Variants in PON1 observed in about 807,000 individuals in gnomAD.
PON1 encodes the protein serum paraoxonase/arylesterase 1.
A neutral mutation model predicts 39.2 loss-of-function variants in PON1; 37 were observed. That is an observed-to-expected ratio of 0.94 (90% CI 0.73 to 1.24). The LOEUF is 1.24. Ranked by LOEUF, PON1 falls within the 50% of genes most tolerant of loss-of-function variation. The pLI is 0.00. For missense variants in PON1, 397 were observed against 413.5 expected (o/e 0.96, Z 0.35); for synonymous variants, 148 against 152.2 (o/e 0.97, Z 0.21).
intron 3 of PON1, 62 bp from the exon 4 acceptor site, chr7:95,315,552 C>G: frequency 6.5e-7 from 1 of 1,529,304 alleles, no homozygotes; most frequent in Non-Finnish European, 9.0e-7. Flanking sequence ...CTAATAGAGG[C>G]GCTGCATGGC....
intron 4 of PON1, among the ~76,000 whole-genome samples, chr7:95,314,724 T>C (rs893941301): frequency 3.9e-5 from 6 of 152,106 alleles, no homozygotes; most frequent in African/African-American, 1.4e-4. Flanking sequence ...GGTGCTACCA[T>C]TGTGCAACTG....
chr7:95,324,222 TTTG>T (rs1807962601), intron 1 of PON1, among the ~76,000 whole-genome samples, 177 bp downstream of exon 1: 1 of 152,082 alleles, frequency 6.6e-6, no homozygotes, highest in Admixed American at 6.5e-5. Flanking sequence ...TGAGCAAGAG[TTTG>T]TTTTCAAGTG....
Position 95,315,344 on chromosome 7 carries a change from C to T in PON1, c.348G>A (p.Gly116=), listed in dbSNP as rs755243101. The change falls in exon 4 of 9, where the codon GGG becomes GGA. Residue 116 remains glycine (G), a synonymous_variant. Coordinates refer to ENST00000222381, the MANE Select transcript of PON1 (RefSeq NM_000446.7). ...KFDVSSFNPH[G]ISTFTDEDNA... ...TACCTTCATCTGTGAATGTGCTAAT[C>T]CCATGAGGGTTAAATGAAGATACAT... 16 of 1,613,318 alleles carry T rather than the reference C, an allele frequency of 9.9e-6. No individual in the cohort carries two copies. In the Admixed American group the frequency reaches 2.7e-4, roughly 27 times the overall value.
chr7:95,301,333 G>A (rs1049601292), intron 8 of PON1, among the ~76,000 whole-genome samples: 3 of 152,192 alleles, frequency 2.0e-5, no homozygotes, highest in African/African-American at 7.2e-5. Context: ...GCCACCTGCA[G>A]GAAGATCTAG....
chr7:95,308,347 A>G (rs1445143670), intron 5 of PON1, 136 bp from the exon 6 acceptor site: 1 of 790,852 alleles, frequency 1.3e-6, no homozygotes, highest in Non-Finnish European at 2.1e-6. Context: ...ATAATGGAAC[A>G]CAATTAATAT....
At position 95,298,414 on chromosome 7, in the gene PON1, GGAGTAAGTAAGT is replaced by G; in HGVS notation, c.*518_*529del. The G allele has an allele frequency of 6.0e-6, 1 of 167,504 alleles. No homozygotes were observed. The highest frequency in any genetic ancestry group is 5.5e-5 in the Admixed American group (1 of 18,166). The allele number at this position is 167,504 out of a possible 1,614,324, so 10.4% of individuals were successfully genotyped here. A position where few individuals can be genotyped will look rare whatever the true frequency, so the allele number is the denominator to read the frequency against. On this transcript the variant is annotated 3_prime_UTR_variant, in exon 9 of 9. Transcript: ENST00000222381. ...AAAGTCATATATCGAAGGGAAAATG[GGAGTAAGTAAGT>G]CTGACTGCCATAGTCAGACTTACTA...
intron 5 of PON1, among the ~76,000 whole-genome samples, chr7:95,309,054 T>A (rs1217669199): frequency 6.6e-6 from 1 of 152,162 alleles, no homozygotes; most frequent in Non-Finnish European, 1.5e-5. Context: ...AGAGGCGTCA[T>A]GGCCAGCGCA....
Position 95,301,935 on chromosome 7 carries a change from A to AAT in PON1, c.909+269_909+270insAT, listed in dbSNP as rs540623036. 4.4e-3 allele frequency among the ~76,000 whole-genome samples: 661 copies of AAT among 149,912 alleles called. 12 individuals are homozygous for AAT. In the South Asian group the frequency reaches 0.048, roughly 11 times the overall value. On this transcript the variant is annotated intron_variant, in intron 8 of 8. Coordinates refer to ENST00000222381, the MANE Select transcript of PON1 (RefSeq NM_000446.7). ...ACCCTGTCTCTACTAAAAAAAAAAA[A>AAT]AAATACAAAAAATTAGCCAGGCATG... is the stretch of plus-strand genomic sequence containing the variant.
At chr7:95,312,185 T>TTTTTG (rs3917520) in intron 4 of PON1, among the ~76,000 whole-genome samples, 1,691 of 152,078 alleles carry the variant, frequency 0.011, 36 homozygotes, top group African/African-American at 0.039. Flanking sequence ...CAAATTGGCG[T>TTTTTG]TTTTGTTTTG....
At position 95,306,308 on chromosome 7, in the gene PON1, T is replaced by G. The variant is rs762779494; in HGVS notation, c.757A>C (p.Asn253His). The G allele has an allele frequency of 1.2e-6, 2 of 1,612,140 alleles. No homozygotes were observed. The highest frequency in any genetic ancestry group is 4.5e-5 in the East Asian group (2 of 44,852). Reference protein sequence around the residue: ...HKIHVYEKHANWTLTPLKSLD... With the variant: ...HKIHVYEKHAHWTLTPLKSLD... ...ACCTTCAATGGAGTTAAAGTCCAATTAGCATGCTTTTCATACACATGAATC... is the reference window on the plus strand; with the variant it reads ...ACCTTCAATGGAGTTAAAGTCCAATGAGCATGCTTTTCATACACATGAATC... Residue 253 changes from asparagine (N) to histidine (H), a missense_variant, in exon 7 of 9, where the codon AAT becomes CAT. By Grantham distance (68) the Asn-to-His change is moderately conservative (BLOSUM62 1). Transcript: ENST00000222381.
chr7:95,305,196 T>C (rs751088732), intron 7 of PON1, among the ~76,000 whole-genome samples: 19 of 152,154 alleles, frequency 1.2e-4, no homozygotes, highest in Admixed American at 6.5e-4. Flanking sequence ...AGTCATACAA[T>C]TGGCGCTGAC....
intron 8 of PON1, 104 bp downstream of exon 8, chr7:95,302,101 A>C (rs1332418056): frequency 3.2e-6 from 2 of 622,904 alleles, no homozygotes; most frequent in Non-Finnish European, 4.5e-6. Flanking sequence ...TGTCACAAAA[A>C]AAAAAAAAAA....
intron 1 of PON1, among the ~76,000 whole-genome samples, chr7:95,324,085 T>C (rs1302521761): frequency 6.6e-6 from 1 of 152,238 alleles, no homozygotes; most frequent in Non-Finnish European, 1.5e-5. Flanking sequence ...AGTTTGTTTC[T>C]TTCCAGGTTG....
At chr7:95,299,984 GA>G (rs1422843038) in intron 8 of PON1, among the ~76,000 whole-genome samples, 1 of 151,720 alleles carries the variant, frequency 6.6e-6, no homozygotes, top group Non-Finnish European at 1.5e-5. Flanking sequence ...ATGCAGACAA[GA>G]AAAAAAATGT....
At chr7:95,322,330 ATGTG>A (rs3046670) in intron 1 of PON1, among the ~76,000 whole-genome samples, 58,563 of 124,512 alleles carry the variant, frequency 0.47, 13,287 homozygotes, top group Middle Eastern at 0.62. Flanking sequence ...AAATATATGT[ATGTG>A]TGTGTGTGTG....
chr7:95,315,176 T>A (rs1585698710), intron 4 of PON1, 146 bp downstream of exon 4: 1 of 720,238 alleles, frequency 1.4e-6, no homozygotes, highest in East Asian at 2.7e-5. Context: ...TCAATTAACA[T>A]AGAGGGTAAG....
chr7:95,303,133 T>C (rs2116300956), intron 7 of PON1, among the ~76,000 whole-genome samples: 1 of 152,264 alleles, frequency 6.6e-6, no homozygotes, highest in Admixed American at 6.5e-5. Flanking sequence ...CCAGAGAACC[T>C]GTAAATAACT....
At chr7:95,314,499 C>T (rs1414963233) in intron 4 of PON1, among the ~76,000 whole-genome samples, 3 of 152,078 alleles carry the variant, frequency 2.0e-5, no homozygotes, top group South Asian at 2.1e-4. Context: ...ATTTTAGCCA[C>T]CCACAGTGGG....
intron 4 of PON1, 143 bp from the exon 5 acceptor site, chr7:95,311,720 A>C (rs1278748511): frequency 2.2e-6 from 2 of 906,496 alleles, no homozygotes; most frequent in East Asian, 5.3e-5. Flanking sequence ...TGTAGAGAGA[A>C]GCATTGGTGA....
Sources: gnomAD v4.1 joint callset for allele counts (sites outside exome capture counted in the v4.1 genomes callset) on GRCh38, gnomAD v4.1.1 for gene constraint, MANE v1.5 for transcripts, NCBI Gene and HGNC (gene_info 2026-07-23, HGNC 2026-07-21) for gene names.